PTPRO: variants seen among roughly 807,000 people sequenced by gnomAD.
The protein encoded by PTPRO is protein tyrosine phosphatase receptor type O, also known as receptor-type tyrosine-protein phosphatase O.
PTPRO carries 62 observed loss-of-function variants against 145.2 expected under a neutral mutation model. The ratio of observed to expected loss-of-function variants is 0.43; its 90% CI spans 0.35 to 0.53. The LOEUF (loss-of-function observed/expected upper bound fraction) is 0.53, where lower values mean the gene tolerates loss of function less well. Among genes scored for constraint, PTPRO ranks in the 20% least tolerant of loss-of-function variants. PTPRO has a pLI of 0.01. For missense variants in PTPRO, 1,345 were observed against 1,482.7 expected, an observed-to-expected ratio of 0.91 and a Z score of 1.53; for synonymous variants, 565 against 514.7, an observed-to-expected ratio of 1.10 and a Z score of -1.32.
chr12:15,438,595 G>A (rs866237597), intron 1 of PTPRO, among the ~76,000 whole-genome samples: 8 of 151,816 alleles, frequency 5.3e-5, no homozygotes, highest in Middle Eastern at 6.8e-3. Context: ...ACTGAACCAA[G>A]CAGAAGAAAG....
intron 16 of PTPRO, among the ~76,000 whole-genome samples, 164 bp downstream of exon 16, chr12:15,557,687 A>G (rs1943671465): frequency 6.6e-6 from 1 of 152,172 alleles, no homozygotes; most frequent in Non-Finnish European, 1.5e-5. Context: ...ATAATGGTTT[A>G]TATAAGCTCA....
chr12:15,505,203 C>A (rs1413184230), intron 6 of PTPRO, among the ~76,000 whole-genome samples: 6 of 152,204 alleles, frequency 3.9e-5, no homozygotes, highest in African/African-American at 1.4e-4. Context: ...CAATTCTGGT[C>A]TTTCTGACTT....
chr12:15,508,821 A>C lies in PTPRO; in HGVS notation c.1464+54A>C. 4.5e-6 allele frequency: 7 copies of C among 1,565,202 alleles called. No homozygotes were observed. In the South Asian group the frequency reaches 6.7e-5, roughly 15 times the overall value. On this transcript the variant is annotated intron_variant, in intron 7 of 26. Coordinates refer to ENST00000281171, the MANE Select transcript of PTPRO (RefSeq NM_030667.3). ...GCCGGTCCTTCCTAAGCACAACCTT[A>C]CAGGGCAATGCCAAGGAGGCAATTG... is the stretch of plus-strand genomic sequence containing the variant.
intron 17 of PTPRO, among the ~76,000 whole-genome samples, chr12:15,562,569 C>A (rs191291211): frequency 6.6e-6 from 1 of 152,072 alleles, no homozygotes; most frequent in African/African-American, 2.4e-5. Flanking sequence ...TAGTGTTGCT[C>A]GAATCTCTTC....
At chr12:15,407,184 G>C (rs1939670861) in intron 1 of PTPRO, among the ~76,000 whole-genome samples, 1 of 152,134 alleles carries the variant, frequency 6.6e-6, no homozygotes, top group African/African-American at 2.4e-5. Context: ...CTCAGTTAAT[G>C]GCAAAATTAT....
chr12:15,587,180 T>C (rs1034369376), intron 24 of PTPRO, 129 bp downstream of exon 24: 2 of 993,126 alleles, frequency 2.0e-6, no homozygotes, highest in African/African-American at 1.6e-5. Flanking sequence ...TTTTAAACTA[T>C]GATTAATTGA....
intron 1 of PTPRO, among the ~76,000 whole-genome samples, chr12:15,392,926 C>T (rs1224414306): frequency 2.6e-5 from 4 of 152,016 alleles, no homozygotes; most frequent in Non-Finnish European, 5.9e-5. Flanking sequence ...TAGATGCTCC[C>T]TGATGGGCAT....
At chr12:15,379,488 G>T (rs1938791507) in intron 1 of PTPRO, among the ~76,000 whole-genome samples, 1 of 136,066 alleles carries the variant, frequency 7.3e-6, no homozygotes. Flanking sequence ...CCCAGATCGT[G>T]CCATTGCACT....
chr12:15,449,236 T>A (rs757057809), intron 1 of PTPRO, among the ~76,000 whole-genome samples: 17 of 152,230 alleles, frequency 1.1e-4, no homozygotes, highest in Non-Finnish European at 2.1e-4. Context: ...CTTAGCAGTC[T>A]ATGAGTGGCT....
chr12:15,483,287 G>T (rs1941818241), intron 1 of PTPRO, among the ~76,000 whole-genome samples: 1 of 152,070 alleles, frequency 6.6e-6, no homozygotes, highest in Non-Finnish European at 1.5e-5. Context: ...GACTTTTCAG[G>T]TATTGTCCAT....
At chr12:15,392,893 G>C (rs1050092362) in intron 1 of PTPRO, among the ~76,000 whole-genome samples, 1 of 152,104 alleles carries the variant, frequency 6.6e-6, no homozygotes, top group African/African-American at 2.4e-5. Flanking sequence ...TATGTATCTG[G>C]TTAATGAGTG....
intron 1 of PTPRO, among the ~76,000 whole-genome samples, chr12:15,347,515 GT>G (rs1867263292): frequency 6.6e-6 from 1 of 152,004 alleles, no homozygotes; most frequent in Non-Finnish European, 1.5e-5. Flanking sequence ...TTAATTTTTA[GT>G]TACCTATCTG....
chr12:15,361,198 G>A (rs1378559055), intron 1 of PTPRO, among the ~76,000 whole-genome samples: 1 of 151,682 alleles, frequency 6.6e-6, no homozygotes, highest in Non-Finnish European at 1.5e-5. Context: ...AGCACTTTGG[G>A]AGGCCAAGGC....
intron 1 of PTPRO, among the ~76,000 whole-genome samples, chr12:15,411,254 T>C (rs1939790219): frequency 6.6e-6 from 1 of 152,220 alleles, no homozygotes; most frequent in African/African-American, 2.4e-5. Context: ...CTATATATGG[T>C]CAAAGTTGTA....
intron 12 of PTPRO, among the ~76,000 whole-genome samples, chr12:15,528,765 A>G (rs1942897407): frequency 6.6e-6 from 1 of 152,104 alleles, no homozygotes; most frequent in Non-Finnish European, 1.5e-5. Flanking sequence ...CAAAGAGAAG[A>G]TCCTGAAAGC....
chr12:15,368,295 A>G (rs1163839433), intron 1 of PTPRO, among the ~76,000 whole-genome samples: 1 of 152,118 alleles, frequency 6.6e-6, no homozygotes, highest in Non-Finnish European at 1.5e-5. Context: ...TCCTTACCAT[A>G]TATGGCAATT....
At chr12:15,539,054 T>G (rs193092886) in intron 12 of PTPRO, among the ~76,000 whole-genome samples, 13 of 151,894 alleles carry the variant, frequency 8.6e-5, no homozygotes, top group Admixed American at 3.9e-4. Flanking sequence ...AATATATGAC[T>G]CCTAACAAAA....
intron 25 of PTPRO, among the ~76,000 whole-genome samples, chr12:15,592,996 G>T (rs1042195563): frequency 2.0e-5 from 3 of 152,088 alleles, no homozygotes; most frequent in African/African-American, 7.2e-5. Context: ...TTGTGGTCTT[G>T]TTGTTTGGTT....
At chr12:15,350,732 A>G (rs1187764643) in intron 1 of PTPRO, among the ~76,000 whole-genome samples, 1 of 152,240 alleles carries the variant, frequency 6.6e-6, no homozygotes, top group East Asian at 1.9e-4. Flanking sequence ...CTGTTGTACC[A>G]GATGCACAAG....
Sources: gnomAD v4.1 joint callset for allele counts (sites outside exome capture counted in the v4.1 genomes callset) on GRCh38, gnomAD v4.1.1 for gene constraint, MANE v1.5 for transcripts, NCBI Gene and HGNC (gene_info 2026-07-23, HGNC 2026-07-21) for gene names.